PAFAH1B1: variants seen among roughly 807,000 people sequenced by gnomAD.
PAFAH1B1 encodes platelet activating factor acetylhydrolase 1b regulatory subunit 1.
PAFAH1B1 carries 2 observed loss-of-function variants against 57.5 expected under a neutral mutation model. That is an observed-to-expected ratio of 0.03 (90% CI 0.01 to 0.11). The LOEUF (loss-of-function observed/expected upper bound fraction) is 0.11, where lower values mean the gene tolerates loss of function less well. PAFAH1B1 is among the 10% of genes least tolerant of loss of function. PAFAH1B1 has a pLI of 1.00. For synonymous variants in PAFAH1B1, 152 were observed against 169.6 expected (o/e 0.90, Z 0.81); for missense variants, 257 against 512.0 (o/e 0.50, Z 4.81).
At chr17:2,605,832 A>G (rs1400045366) in intron 1 of PAFAH1B1, among the ~76,000 whole-genome samples, 1 of 152,172 alleles carries the variant, frequency 6.6e-6, no homozygotes, top group Non-Finnish European at 1.5e-5. Flanking sequence ...TGGTACCTAG[A>G]ACATAGTAAG....
At position 2,598,418 on chromosome 17, in the gene PAFAH1B1, G is replaced by A. The variant is rs543984225; in HGVS notation, c.-191+4412G>A. ...GCTCGGTTGGTTTTAAACCAAGCTG[G>A]CCATTTCTGCTTGTGGTCCTAAAAT... On this transcript the variant is annotated intron_variant, in intron 1 of 10. Coordinates refer to ENST00000397195, the MANE Select transcript of PAFAH1B1 (RefSeq NM_000430.4). 6.6e-5 allele frequency among the ~76,000 whole-genome samples: 10 copies of A among 152,040 alleles called. No individual in the cohort carries two copies. In the East Asian group the frequency reaches 1.7e-3, roughly 26 times the overall value.
At chr17:2,677,152 C>CA (rs1001988499) in intron 9 of PAFAH1B1, among the ~76,000 whole-genome samples, 8 of 151,518 alleles carry the variant, frequency 5.3e-5, no homozygotes, top group African/African-American at 1.7e-4. Context: ...GACTCCATCT[C>CA]AAAAAAAATA....
intron 5 of PAFAH1B1, 181 bp downstream of exon 5, chr17:2,667,379 C>A: frequency 1.7e-6 from 1 of 572,718 alleles, no homozygotes; most frequent in Non-Finnish European, 3.1e-6. Context: ...TTAAAAGATC[C>A]TGAAAATGAG....
At chr17:2,650,907 A>G (rs7213463) in intron 2 of PAFAH1B1, among the ~76,000 whole-genome samples, 20,814 of 152,138 alleles carry the variant, frequency 0.14, 1,884 homozygotes, top group Non-Finnish European at 0.21. Flanking sequence ...TGAGTCACCC[A>G]TGGTCATGTG....
intron 1 of PAFAH1B1, among the ~76,000 whole-genome samples, chr17:2,609,151 C>T (rs1159935076): frequency 1.3e-5 from 2 of 152,220 alleles, no homozygotes; most frequent in Non-Finnish European, 2.9e-5. Flanking sequence ...TTAACCTAAG[C>T]TGAATTACAG....
intron 1 of PAFAH1B1, among the ~76,000 whole-genome samples, chr17:2,599,960 C>A (rs1313827057): frequency 2.1e-5 from 3 of 145,958 alleles, no homozygotes; most frequent in Admixed American, 6.9e-5. Context: ...GCAGATTAAT[C>A]CATTTTTAAC....
chr17:2,618,150 A>G (rs1265959203), intron 1 of PAFAH1B1, among the ~76,000 whole-genome samples: 4 of 151,926 alleles, frequency 2.6e-5, no homozygotes, highest in African/African-American at 9.7e-5. Flanking sequence ...CGGGAAGCTG[A>G]GTCAGGAGAA....
chr17:2,598,589 C>T (rs1465515974), intron 1 of PAFAH1B1, among the ~76,000 whole-genome samples: 1 of 150,298 alleles, frequency 6.7e-6, no homozygotes, highest in Non-Finnish European at 1.5e-5. Context: ...ATCTACAGTA[C>T]AACTATTACT....
intron 1 of PAFAH1B1, among the ~76,000 whole-genome samples, chr17:2,618,246 C>G (rs2068373592): frequency 6.6e-6 from 1 of 152,260 alleles, no homozygotes; most frequent in South Asian, 2.1e-4. Flanking sequence ...AAGACTCTGT[C>G]TCAAACAAAC....
rs1320193999 is a variant in PAFAH1B1 at position 2,681,706 on chromosome 17, TAAAC to T, written c.1160-22_1160-19del. On this transcript the variant is annotated intron_variant, in intron 10 of 10. Transcript: ENST00000397195. ...TCCAGGCTTACGTGTGAGTTTTAAA[TAAAC>T]CATTTCTTTTTCTTTCAGATTTCCA... 1.3e-6 allele frequency: 2 copies of T among 1,596,694 alleles called. No individual in the cohort carries two copies. The highest frequency in any genetic ancestry group is 1.7e-6 in the Non-Finnish European group (2 of 1,164,706).
intron 2 of PAFAH1B1, among the ~76,000 whole-genome samples, chr17:2,652,989 T>C (rs944170009): frequency 1.8e-4 from 27 of 152,184 alleles, no homozygotes; most frequent in Admixed American, 1.2e-3. Context: ...ATTGTGGCAC[T>C]GTTCACAATA....
Position 2,664,680 on chromosome 17 carries a change from CTCTCTCTCTCTCTT to C in PAFAH1B1, c.33-683_33-670del, listed in dbSNP as rs1304001280. ...TCTATCTATCGCTCTCTCTCTCTCTCTCTCTCTCTCTCTTTCTCTCTCCATCTATAAAGCCCAAA... is the reference window on the plus strand; with the variant it reads ...TCTATCTATCGCTCTCTCTCTCTCTCTCTCTCTCCATCTATAAAGCCCAAA... On this transcript the variant is annotated intron_variant, in intron 2 of 10. Coordinates refer to ENST00000397195, the MANE Select transcript of PAFAH1B1 (RefSeq NM_000430.4). Among the ~76,000 whole-genome samples, 131 of 120,494 alleles carry C rather than the reference CTCTCTCTCTCTCTT, an allele frequency of 1.1e-3. 1 individual carries two copies. The highest frequency in any genetic ancestry group is 2.0e-3 in the Non-Finnish European group (102 of 50,986). 79.0% of individuals were successfully genotyped at this position (120,494 alleles called of 152,430 possible). A position where few individuals can be genotyped will look rare whatever the true frequency, so the allele number is the denominator to read the frequency against.
Position 2,650,850 on chromosome 17 carries a change from T to G in PAFAH1B1, c.32+12530T>G, listed in dbSNP as rs538089670. On this transcript the variant is annotated intron_variant, in intron 2 of 10. Transcript: ENST00000397195. ...TTTTGTTTTGTTGTGTTTTCTGTTG[T>G]AGTGTTTACATTTTTCTTGTCGATT... Among the ~76,000 whole-genome samples, 27 of 152,272 alleles carry G rather than the reference T, an allele frequency of 1.8e-4. 1 individual carries two copies. The Middle Eastern group carries it at 0.014, about 77-fold the overall frequency.
chr17:2,655,824 A>G (rs1318138712), intron 2 of PAFAH1B1, among the ~76,000 whole-genome samples: 2 of 151,978 alleles, frequency 1.3e-5, no homozygotes, highest in Non-Finnish European at 2.9e-5. Context: ...TGCCACAAAT[A>G]CAGGAAACTA....
intron 2 of PAFAH1B1, among the ~76,000 whole-genome samples, chr17:2,648,868 C>T (rs1190807495): frequency 6.6e-6 from 1 of 151,944 alleles, no homozygotes; most frequent in Non-Finnish European, 1.5e-5. Flanking sequence ...TAGGTGCATT[C>T]CCATTAAAGT....
intron 5 of PAFAH1B1, among the ~76,000 whole-genome samples, chr17:2,667,830 A>G (rs1484811415): frequency 6.6e-6 from 1 of 151,882 alleles, no homozygotes; most frequent in Non-Finnish European, 1.5e-5. Context: ...TAAAAATATT[A>G]TTACCTTTTA....
At chr17:2,601,655 A>T (rs2068145472) in intron 1 of PAFAH1B1, among the ~76,000 whole-genome samples, 2 of 152,102 alleles carry the variant, frequency 1.3e-5, no homozygotes, top group Non-Finnish European at 2.9e-5. Context: ...TTGGTCAGGC[A>T]GGCCTTGAAC....
chr17:2,646,544 T>G (rs1357033783), intron 2 of PAFAH1B1, among the ~76,000 whole-genome samples: 1 of 152,144 alleles, frequency 6.6e-6, no homozygotes, highest in African/African-American at 2.4e-5. Flanking sequence ...TCCCCACTAC[T>G]CAGGAGCTGA....
intron 1 of PAFAH1B1, among the ~76,000 whole-genome samples, chr17:2,617,148 G>A (rs541050861): frequency 8.5e-5 from 13 of 152,238 alleles, no homozygotes; most frequent in Non-Finnish European, 1.6e-4. Context: ...TTAAATCTAA[G>A]TCTGATTGAT....
Sources: gnomAD v4.1 joint callset for allele counts (sites outside exome capture counted in the v4.1 genomes callset) on GRCh38, gnomAD v4.1.1 for gene constraint, MANE v1.5 for transcripts, NCBI Gene and HGNC (gene_info 2026-07-23, HGNC 2026-07-21) for gene names.